Variants in PCBD1 observed in about 807,000 individuals in gnomAD.
The protein encoded by PCBD1 is pterin-4-alpha-carbinolamine dehydratase.
A neutral mutation model predicts 12.6 loss-of-function variants in PCBD1; 16 were observed. The ratio of observed to expected loss-of-function variants is 1.27; its 90% CI spans 0.86 to 1.93. The LOEUF (loss-of-function observed/expected upper bound fraction) is 1.93. PCBD1 is among the 30% of genes most tolerant of loss of function. The pLI, the probability that PCBD1 is intolerant of heterozygous loss-of-function variation, is 0.00. For missense variants in PCBD1, 86 were observed against 130.1 expected (o/e 0.66, Z 1.65); for synonymous variants, 53 against 50.2 (o/e 1.05, Z -0.23).
chr10:70,884,857 C>A (rs551900437), intron 3 of PCBD1, among the ~76,000 whole-genome samples: 1 of 152,290 alleles, frequency 6.6e-6, no homozygotes, highest in East Asian at 1.9e-4. Context: ...ATTCCCACAG[C>A]CTTTCCTTTC....
chr10:70,888,167 G>C (rs1398337369), intron 1 of PCBD1: 2 of 214,976 alleles, frequency 9.3e-6, no homozygotes, highest in Non-Finnish European at 1.8e-5. Flanking sequence ...TCCCACCCCA[G>C]TATAAAGCAG....
intron 1 of PCBD1, 137 bp downstream of exon 1, chr10:70,888,394 C>G: frequency 3.0e-6 from 3 of 984,244 alleles, no homozygotes; most frequent in Non-Finnish European, 4.1e-6. Context: ...GAGAGCCGGG[C>G]AGAGACCCCA....
At chr10:70,882,663 C>G (rs1411561167), downstream of PCBD1, among the ~76,000 whole-genome samples, 1 of 152,182 alleles carries the variant, frequency 6.6e-6, no homozygotes, top group East Asian at 1.9e-4. Context: ...TTAGGGAAGA[C>G]AGTCGGCTTT....
intron 1 of PCBD1, chr10:70,888,241 A>G (rs1024567808): frequency 4.0e-5 from 13 of 327,864 alleles, no homozygotes; most frequent in Middle Eastern, 1.7e-3. Context: ...CGGCCCAGGA[A>G]GGTCGTAGGC....
At chr10:70,886,293 G>A (rs549653706) in intron 1 of PCBD1, among the ~76,000 whole-genome samples, 31 of 152,328 alleles carry the variant, frequency 2.0e-4, no homozygotes, top group Admixed American at 1.6e-3. Context: ...CAGTGAGGGC[G>A]TAAAAGCAAA....
At chr10:70,882,852 A>G (rs141359445), downstream of PCBD1, among the ~76,000 whole-genome samples, 6 of 152,364 alleles carry the variant, frequency 3.9e-5, no homozygotes, top group Non-Finnish European at 7.3e-5. Context: ...GTGTGAGACC[A>G]GAAGTGTTTC....
intron 1 of PCBD1, chr10:70,887,939 C>CG: frequency 6.6e-6 from 1 of 152,062 alleles, no homozygotes; most frequent in Non-Finnish European, 1.5e-5. Context: ...GCCCCCGCCC[C>CG]GGGGGTGGGT....
chr10:70,886,681 G>A (rs1384358854), intron 1 of PCBD1, among the ~76,000 whole-genome samples: 49 of 152,362 alleles, frequency 3.2e-4, no homozygotes, highest in Non-Finnish European at 2.9e-5. Context: ...CCAGGGCTAG[G>A]TTTCTCTGGT....
Position 70,883,948 on chromosome 10 carries a change from GTC to G in PCBD1, c.315_*1del, listed in dbSNP as rs1846538636. ...GAAGAATTCAAAGAGGAAGGGCAGGGTCTATGTCATGGACACTGCTACTTGTT... is the reference window on the plus strand; with the variant it reads ...GAAGAATTCAAAGAGGAAGGGCAGGGTATGTCATGGACACTGCTACTTGTT... On this transcript the variant is annotated stop_lost and 3_prime_UTR_variant, in exon 4 of 4. Coordinates refer to ENST00000299299, the MANE Select transcript of PCBD1 (RefSeq NM_000281.4). 1 of 1,613,364 alleles carries G rather than the reference GTC, an allele frequency of 6.2e-7. No homozygotes were observed. The highest frequency in any genetic ancestry group is 1.7e-5 in the Admixed American group (1 of 59,954).
At chr10:70,884,199 C>A in intron 3 of PCBD1, 151 bp from the exon 4 acceptor site, 1 of 730,766 alleles carries the variant, frequency 1.4e-6, no homozygotes. Context: ...ATGTCTGTAA[C>A]AACATCTTCT....
In PCBD1 at chr10:70,884,042, T is replaced by C; in HGVS notation, c.223A>G (p.Ile75Val). 1 of 1,614,058 alleles carries C rather than the reference T, an allele frequency of 6.2e-7. No individual in the cohort carries two copies. The highest frequency in any genetic ancestry group is 8.5e-7 in the Non-Finnish European group (1 of 1,180,010). The change falls in exon 4 of 4, where the codon ATC (isoleucine) becomes GTC (valine). Residue 75 changes from isoleucine (I) to valine (V), a missense_variant. Ile to Val is a conservative substitution (Grantham distance 29, BLOSUM62 3). Coordinates refer to ENST00000299299, the MANE Select transcript of PCBD1 (RefSeq NM_000281.4). The part of the protein sequence containing the change: ...EWFNVYNKVH[I>V]TLSTHECAGL... Reference sequence around the variant, plus strand: ...GCACACTCATGGGTGCTCAGCGTGATGTGGACCTGAAATGAAACCAGAAAT... The same window carrying C: ...GCACACTCATGGGTGCTCAGCGTGACGTGGACCTGAAATGAAACCAGAAAT...
intron 2 of PCBD1, 60 bp from the exon 3 acceptor site, chr10:70,885,292 C>T: frequency 7.8e-7 from 1 of 1,277,808 alleles, no homozygotes; most frequent in Non-Finnish European, 1.1e-6. Context: ...CTGGACATCA[C>T]CAATTCAAGG....
At chr10:70,886,255 G>A (rs984920148) in intron 1 of PCBD1, among the ~76,000 whole-genome samples, 3 of 152,170 alleles carry the variant, frequency 2.0e-5, no homozygotes, top group African/African-American at 7.2e-5. Context: ...AAAGCCTTAC[G>A]GACCTTCCCT....
At chr10:70,888,445 T>G (rs936122700) in intron 1 of PCBD1, 86 bp downstream of exon 1, 28 of 1,412,016 alleles carry the variant, frequency 2.0e-5, no homozygotes, top group Admixed American at 1.9e-4. Flanking sequence ...TCGAAAAGAC[T>G]TTCCCCCGCC....
chr10:70,884,478 A>ATTTTTTTTTTTT (rs71012255), intron 3 of PCBD1, among the ~76,000 whole-genome samples: 1 of 108,466 alleles, frequency 9.2e-6, no homozygotes, highest in Admixed American at 1.2e-4. Flanking sequence ...ATGTGTCTGT[A>ATTTTTTTTTTTT]TTTTTTTTTT....
chr10:70,884,367 C>T (rs537446095), intron 3 of PCBD1, among the ~76,000 whole-genome samples: 4 of 152,296 alleles, frequency 2.6e-5, no homozygotes, highest in African/African-American at 9.6e-5. Context: ...CCTCTTCCAC[C>T]CTTACTGTTT....
Position 70,888,518 on chromosome 10 carries a change from C to A in PCBD1, c.3+13G>T, listed in dbSNP as rs1387603530. The A allele has an allele frequency of 4.5e-6, 6 of 1,327,676 alleles. 1 individual carries two copies. Among genetic ancestry groups the A allele is most frequent in the Non-Finnish European group, 4.8e-6 (5 of 1,037,014 alleles). The allele number at this position is 1,327,676 out of a possible 1,614,324, so 82.2% of individuals were successfully genotyped here. On this transcript the variant is annotated intron_variant, in intron 1 of 3. Coordinates refer to ENST00000299299, the MANE Select transcript of PCBD1 (RefSeq NM_000281.4). Reference sequence around the variant, plus strand: ...CCGCTGCCCCGATCGCGGCCGCGCACCCCTGGACTCACCATGGCGCGGGCG... The same window carrying A: ...CCGCTGCCCCGATCGCGGCCGCGCAACCCTGGACTCACCATGGCGCGGGCG...
intron 1 of PCBD1, among the ~76,000 whole-genome samples, chr10:70,887,132 A>G (rs1846596088): frequency 6.6e-6 from 1 of 152,090 alleles, no homozygotes. Flanking sequence ...CTCTTGGCAG[A>G]ACCTCCACCT....
downstream of PCBD1, among the ~76,000 whole-genome samples, chr10:70,883,289 T>G (rs1464953705): frequency 2.6e-5 from 4 of 152,262 alleles, no homozygotes; most frequent in East Asian, 1.9e-4. Context: ...TTAGTACTAG[T>G]TAATTGGTAA....
Sources: allele counts gnomAD v4.1 joint callset (sites outside exome capture counted in the v4.1 genomes callset), GRCh38; gene constraint gnomAD v4.1.1; transcripts MANE v1.5; gene names NCBI Gene and HGNC (gene_info 2026-07-23, HGNC 2026-07-21).